Variants in COL18A1 observed in about 807,000 individuals in gnomAD.
COL18A1 encodes the protein collagen type XVIII alpha 1 chain, also known as collagen alpha-1(XVIII) chain.
In COL18A1, 133 loss-of-function variants were observed where a neutral mutation model predicts 168.0. The ratio of observed to expected loss-of-function variants is 0.79; its 90% CI spans 0.69 to 0.91. COL18A1 has a LOEUF of 0.91. COL18A1 is among the 40% of genes least tolerant of loss of function. The pLI is 0.00. For missense variants in COL18A1, 2,126 were observed against 1,925.4 expected (o/e 1.10, Z -1.95); for synonymous variants, 949 against 809.0 (o/e 1.17, Z -2.94).
At chr21:45,438,757 G>A (rs905594077) in intron 2 of COL18A1, among the ~76,000 whole-genome samples, 1 of 152,244 alleles carries the variant, frequency 6.6e-6, no homozygotes, top group African/African-American at 2.4e-5. Flanking sequence ...CGTGGACAAA[G>A]GCGCATCTAA....
chr21:45,460,938 A>G (rs908673275), intron 2 of COL18A1, among the ~76,000 whole-genome samples: 9 of 152,200 alleles, frequency 5.9e-5, no homozygotes, highest in African/African-American at 2.2e-4. Flanking sequence ...CACAGACAGA[A>G]TGAAAAGCAC....
intron 3 of COL18A1, among the ~76,000 whole-genome samples, chr21:45,470,073 C>G (rs562491508): frequency 2.6e-5 from 4 of 152,250 alleles, no homozygotes; most frequent in Non-Finnish European, 5.9e-5. Flanking sequence ...GGCTGAGTGC[C>G]GAGAGCTCGG....
intron 2 of COL18A1, among the ~76,000 whole-genome samples, chr21:45,453,031 ATG>A (rs946485194): frequency 1.4e-4 from 21 of 151,284 alleles, no homozygotes; most frequent in Non-Finnish European, 2.5e-4. Context: ...GCGAGTATTC[ATG>A]TGTGACATGT....
chr21:45,496,968 C>T (rs768093389), intron 30 of COL18A1, 82 bp from the exon 31 acceptor site: 172 of 919,020 alleles, frequency 1.9e-4, no homozygotes, highest in Non-Finnish European at 2.4e-4. Flanking sequence ...GCTGGTGCTT[C>T]TGGGCTTGGG....
intron 4 of COL18A1, among the ~76,000 whole-genome samples, chr21:45,474,494 GTC>G (rs985102371): frequency 2.8e-4 from 43 of 151,814 alleles, no homozygotes; most frequent in African/African-American, 9.9e-4. Context: ...TGTGTGGTGT[GTC>G]TCTGTGGTGT....
At chr21:45,414,045 CAGG>C (rs1198285348) in intron 2 of COL18A1, among the ~76,000 whole-genome samples, 1 of 152,204 alleles carries the variant, frequency 6.6e-6, no homozygotes, top group African/African-American at 2.4e-5. Context: ...CTTGGAGGAG[CAGG>C]AGGAGGTGGA....
intron 2 of COL18A1, among the ~76,000 whole-genome samples, chr21:45,435,995 TG>T (rs368262107): frequency 1.6e-3 from 249 of 152,184 alleles, no homozygotes; most frequent in African/African-American, 5.5e-3. Flanking sequence ...CCAGGCAGGG[TG>T]GCCAATTCCT....
rs2034440247 is a variant in COL18A1 at position 45,443,608 on chromosome 21, C to T, written c.107-24634C>T. Among the ~76,000 whole-genome samples, 1 of 152,148 alleles carries T rather than the reference C, an allele frequency of 6.6e-6. No individual in the cohort carries two copies. The highest frequency in any genetic ancestry group is 2.4e-5 in the African/African-American group (1 of 41,428). On this transcript the variant is annotated intron_variant, in intron 2 of 41. Transcript: ENST00000651438. This position sits in a 1 kb window ranked among gnomAD's most constrained non-coding sequence, Gnocchi z 5.2. ...CTGAACTGTTCTCCGACAGGCGGCC[C>T]TTTTTCTCCCACGTGGGCGAAAAGT...
At position 45,504,520 on chromosome 21, in the gene COL18A1, AGGC is replaced by A. The variant is rs2037066445; in HGVS notation, c.2833_2835del (p.Gly945del). 6.1e-4 allele frequency: 11 copies of A among 18,070 alleles called. No individual in the cohort carries two copies. The highest frequency in any genetic ancestry group is 6.4e-4 in the Non-Finnish European group (9 of 14,100). The allele number at this position is 18,070 out of a possible 1,614,324, so 1.1% of individuals were successfully genotyped here. On this transcript the variant is annotated inframe_deletion, in exon 34 of 42. Coordinates refer to ENST00000651438, the MANE Select transcript of COL18A1 (RefSeq NM_001379500.1). ...GCCTGCCCGGCCCCCCCGGCCCCCC[AGGC>A]CCCCCAGGCCCACGTGGCTACCCTG...
chr21:45,510,201 G>A lies in COL18A1; in HGVS notation c.3633G>A (p.Gln1211=), dbSNP rs755417383. The change falls in exon 40 of 42, where the codon CAG becomes CAA. Residue 1211 remains glutamine, a synonymous_variant. Coordinates refer to ENST00000651438, the MANE Select transcript of COL18A1 (RefSeq NM_001379500.1). ...TFRAFLSSRL[Q]DLYSIVRRAD... ...GCGCCTTCCTGTCCTCGCGCCTGCA[G>A]GACCTGTACAGCATCGTGCGCCGTG... 1.2e-5 allele frequency: 20 copies of A among 1,602,874 alleles called. No individual in the cohort carries two copies. The highest frequency in any genetic ancestry group is 1.6e-4 in the Middle Eastern group (1 of 6,064).
chr21:45,465,371 G>A (rs1008321979), intron 2 of COL18A1, among the ~76,000 whole-genome samples: 1 of 151,520 alleles, frequency 6.6e-6, no homozygotes, highest in Non-Finnish European at 1.5e-5. Flanking sequence ...TTCTTAGGTT[G>A]TTTTTAGCCT....
chr21:45,444,123 C>T (rs2034453959), intron 2 of COL18A1, among the ~76,000 whole-genome samples: 1 of 152,212 alleles, frequency 6.6e-6, no homozygotes. Context: ...CTGGCGTGGT[C>T]GTCCCGTGGC....
Position 45,490,846 on chromosome 21 carries a change from G to C in COL18A1, c.2042G>C (p.Gly681Ala). ...EGIAGPQGPK[G>A]DRGSRGEKGD... is the part of the protein sequence containing the mutation. ...TTCCTGTCTCTCCAGGGGCCAAAGGGAGACAGAGGCAGCCGGGGAGAAAAG... is the reference window on the plus strand; with the variant it reads ...TTCCTGTCTCTCCAGGGGCCAAAGGCAGACAGAGGCAGCCGGGGAGAAAAG... Residue 681 changes from glycine (G) to alanine (A), a missense_variant, in exon 21 of 42, where the codon GGA becomes GCA. By Grantham distance (60) the Gly-to-Ala change is moderately conservative. Coordinates refer to ENST00000651438, the MANE Select transcript of COL18A1 (RefSeq NM_001379500.1). 6.5e-7 allele frequency: 1 copy of C among 1,550,214 alleles called. No individual in the cohort carries two copies.
chr21:45,483,329 T>C (rs915378798), intron 15 of COL18A1, among the ~76,000 whole-genome samples: 18 of 152,214 alleles, frequency 1.2e-4, no homozygotes, highest in African/African-American at 4.3e-4. Flanking sequence ...CCGGGTGTCC[T>C]TGGCGGCCCT....
chr21:45,455,814 C>T, intron 2 of COL18A1: 2 of 1,613,450 alleles, frequency 1.2e-6, no homozygotes, highest in Non-Finnish European at 1.7e-6. Context: ...GACACCCCCA[C>T]TTCTGCCGAG....
chr21:45,505,778 TC>T, intron 36 of COL18A1, 59 bp from the exon 37 acceptor site: 1 of 1,280,846 alleles, frequency 7.8e-7, no homozygotes, highest in Admixed American at 2.0e-5. Flanking sequence ...ATTCCTTCCT[TC>T]CGCCCCTGCC....
At chr21:45,467,272 G>C in intron 2 of COL18A1, 13 of 985,470 alleles carry the variant, frequency 1.3e-5, no homozygotes, top group Non-Finnish European at 1.6e-5. Flanking sequence ...CTGGGCGAGG[G>C]ATGGACAGGG....
At chr21:45,493,700 C>T in intron 26 of COL18A1, 125 bp downstream of exon 26, 2 of 733,350 alleles carry the variant, frequency 2.7e-6, no homozygotes, top group Non-Finnish European at 4.6e-6. Context: ...AGGGCTCTAC[C>T]ATCCAGGCCT....
intron 2 of COL18A1, chr21:45,456,184 TTCTC>T: frequency 6.3e-7 from 1 of 1,596,682 alleles, no homozygotes; most frequent in African/African-American, 1.3e-5. Flanking sequence ...CAGGTAGAGC[TTCTC>T]TCTCCTCCTT....
Sources: allele counts gnomAD v4.1 joint callset (sites outside exome capture counted in the v4.1 genomes callset), GRCh38; gene constraint gnomAD v4.1.1; non-coding constraint Gnocchi (gnomAD v3.1); transcripts MANE v1.5; gene names NCBI Gene and HGNC (gene_info 2026-07-23, HGNC 2026-07-21).